CACNA2D3: variants seen among roughly 807,000 people sequenced by gnomAD.
CACNA2D3 encodes the protein voltage-dependent calcium channel subunit alpha-2/delta-3.
CACNA2D3 carries 60 observed loss-of-function variants against 160.6 expected under a neutral mutation model. The observed-to-expected ratio is 0.37, with a 90% CI of 0.30 to 0.46. The LOEUF (loss-of-function observed/expected upper bound fraction) is 0.46. CACNA2D3 is among the 20% of genes least tolerant of loss of function. The pLI, the probability that CACNA2D3 is intolerant of heterozygous loss-of-function variation, is 1.00. For missense variants in CACNA2D3, 1,205 were observed against 1,365.0 expected, an observed-to-expected ratio of 0.88 and a Z score of 1.85; for synonymous variants, 558 against 492.9, an observed-to-expected ratio of 1.13 and a Z score of -1.75.
At chr3:54,415,392 G>C (rs562009385) in intron 4 of CACNA2D3, among the ~76,000 whole-genome samples, 1 of 152,178 alleles carries the variant, frequency 6.6e-6, no homozygotes, top group East Asian at 1.9e-4. Context: ...TCTTATTTAT[G>C]TCTGTTAATT....
Position 54,403,032 on chromosome 3 carries a change from A to C in CACNA2D3, c.381+16258A>C, listed in dbSNP as rs76417903. Among the ~76,000 whole-genome samples, 762 of 152,272 alleles carry C rather than the reference A, an allele frequency of 5.0e-3. 23 individuals carry two copies. In the East Asian group the frequency reaches 0.075, roughly 15 times the overall value. On this transcript the variant is annotated intron_variant, in intron 4 of 37. Coordinates refer to ENST00000474759, the MANE Select transcript of CACNA2D3 (RefSeq NM_018398.3). ...TAAACAACATGCTCCTGAACAACCC[A>C]GTGGGTCAAAGAAGAAATCAAGAGG...
chr3:54,895,529 C>T lies in CACNA2D3; in HGVS notation c.2247-1220C>T, dbSNP rs183382696. Among the ~76,000 whole-genome samples, 229 of 152,288 alleles carry T rather than the reference C, an allele frequency of 1.5e-3. 8 individuals are homozygous for T. In the South Asian group the frequency reaches 0.032, roughly 21 times the overall value. On this transcript the variant is annotated intron_variant, in intron 25 of 37. Coordinates refer to ENST00000474759, the MANE Select transcript of CACNA2D3 (RefSeq NM_018398.3). ...ACACCCTGCAACTACTGAATGCTTT[C>T]CTGAACTGGGTGCCAAGTTCAGGAA...
intron 11 of CACNA2D3, among the ~76,000 whole-genome samples, chr3:54,652,676 T>A (rs890507152): frequency 3.3e-5 from 5 of 151,044 alleles, no homozygotes; most frequent in Non-Finnish European, 7.4e-5. Flanking sequence ...GGGAACAGGG[T>A]GATAGGAAGG....
chr3:54,917,594 T>C (rs1357295646), intron 27 of CACNA2D3, among the ~76,000 whole-genome samples: 1 of 152,246 alleles, frequency 6.6e-6, no homozygotes, highest in Non-Finnish European at 1.5e-5. Context: ...TGTATGCAGA[T>C]ACAGATACAC....
intron 2 of CACNA2D3, among the ~76,000 whole-genome samples, chr3:54,287,483 T>C (rs1394488378): frequency 1.3e-5 from 2 of 150,546 alleles, no homozygotes; most frequent in African/African-American, 2.5e-5. Context: ...AATGGGAGAC[T>C]TTAACACCCC....
chr3:54,992,196 G>T (rs1463540351), intron 31 of CACNA2D3, among the ~76,000 whole-genome samples: 1 of 152,208 alleles, frequency 6.6e-6, no homozygotes, highest in African/African-American at 2.4e-5. Flanking sequence ...TGATTCTCAT[G>T]TGCAGCCAGC....
intron 4 of CACNA2D3, among the ~76,000 whole-genome samples, chr3:54,454,732 C>T (rs1448440303): frequency 6.6e-6 from 1 of 152,098 alleles, no homozygotes; most frequent in African/African-American, 2.4e-5. Flanking sequence ...TATCCATTAA[C>T]CAACCTTTGG....
intron 31 of CACNA2D3, among the ~76,000 whole-genome samples, chr3:54,995,939 A>T (rs931931490): frequency 6.6e-6 from 1 of 152,158 alleles, no homozygotes; most frequent in African/African-American, 2.4e-5. Flanking sequence ...AGCATGCCCA[A>T]TGCGGTCCTG....
chr3:54,777,941 G>A (rs1702454841), intron 13 of CACNA2D3, among the ~76,000 whole-genome samples: 1 of 152,198 alleles, frequency 6.6e-6, no homozygotes, highest in South Asian at 2.1e-4. Flanking sequence ...TATTTTAATT[G>A]TCAACTAATA....
chr3:54,868,667 T>G (rs1699457747), intron 17 of CACNA2D3, among the ~76,000 whole-genome samples: 1 of 152,082 alleles, frequency 6.6e-6, no homozygotes, highest in African/African-American at 2.4e-5. Context: ...TTCAAACTTG[T>G]AAGCTCCACA....
chr3:54,405,386 G>T (rs535938475), intron 4 of CACNA2D3, among the ~76,000 whole-genome samples: 4 of 151,160 alleles, frequency 2.6e-5, no homozygotes, highest in Non-Finnish European at 4.4e-5. Flanking sequence ...TAGACTTGTA[G>T]AATAGGATAG....
At chr3:54,919,735 T>C (rs1017034011) in intron 27 of CACNA2D3, among the ~76,000 whole-genome samples, 4 of 152,236 alleles carry the variant, frequency 2.6e-5, no homozygotes, top group Non-Finnish European at 4.4e-5. Flanking sequence ...TTTTCTGCCA[T>C]GAAAACATGC....
intron 17 of CACNA2D3, among the ~76,000 whole-genome samples, chr3:54,869,060 G>A (rs77742630): frequency 0.31 from 46,952 of 152,182 alleles, 9,576 homozygotes; most frequent in East Asian, 0.66. Context: ...CCAATGTGAT[G>A]TGAGTGGTGT....
chr3:55,041,472 A>C (rs1236001365), intron 35 of CACNA2D3, among the ~76,000 whole-genome samples: 1 of 152,228 alleles, frequency 6.6e-6, no homozygotes, highest in Non-Finnish European at 1.5e-5. Flanking sequence ...AGATTTAAAA[A>C]ATGCTAACTT....
Position 54,907,765 on chromosome 3 carries a change from G to T in CACNA2D3, c.2449+7897G>T, listed in dbSNP as rs192725103. ...AAACTACAGCTCTAGGAAACCACTCGTGTGCTTTCTCTATGGATTTGTCTA... is the reference window on the plus strand; with the variant it reads ...AAACTACAGCTCTAGGAAACCACTCTTGTGCTTTCTCTATGGATTTGTCTA... On this transcript the variant is annotated intron_variant, in intron 27 of 37. Transcript: ENST00000474759. 6.6e-5 allele frequency among the ~76,000 whole-genome samples: 10 copies of T among 152,090 alleles called. 1 individual carries two copies. The highest frequency in any genetic ancestry group is 2.4e-4 in the African/African-American group (10 of 41,420).
At chr3:54,853,295 T>C (rs780125793) in intron 17 of CACNA2D3, among the ~76,000 whole-genome samples, 2 of 152,226 alleles carry the variant, frequency 1.3e-5, no homozygotes, top group Non-Finnish European at 2.9e-5. Flanking sequence ...GCTGGGAGTT[T>C]GCTACTACAC....
At chr3:54,343,198 C>G (rs1386789343) in intron 3 of CACNA2D3, among the ~76,000 whole-genome samples, 1 of 152,088 alleles carries the variant, frequency 6.6e-6, no homozygotes, top group Non-Finnish European at 1.5e-5. Flanking sequence ...GCCCCCCCCT[C>G]CCACGAGGAG....
At chr3:54,362,340 C>T (rs543774988) in intron 3 of CACNA2D3, among the ~76,000 whole-genome samples, 11 of 152,286 alleles carry the variant, frequency 7.2e-5, no homozygotes, top group Non-Finnish European at 1.5e-4. Flanking sequence ...GGCTTTTGGC[C>T]AGGATTTTGT....
intron 5 of CACNA2D3, among the ~76,000 whole-genome samples, chr3:54,542,553 G>C (rs1010962858): frequency 1.3e-5 from 2 of 152,162 alleles, no homozygotes; most frequent in Non-Finnish European, 2.9e-5. Context: ...AAAACCACTG[G>C]TGTAAGCCCA....
Sources: gnomAD v4.1 joint callset for allele counts (sites outside exome capture counted in the v4.1 genomes callset) on GRCh38, gnomAD v4.1.1 for gene constraint, MANE v1.5 for transcripts, NCBI Gene and HGNC (gene_info 2026-07-23, HGNC 2026-07-21) for gene names.